JAK1: variants seen among roughly 807,000 people sequenced by gnomAD.
JAK1 encodes the protein tyrosine-protein kinase JAK1.
Under a neutral mutation model 136.6 loss-of-function variants are expected in JAK1, and 16 were observed. The ratio of observed to expected loss-of-function variants is 0.12; its 90% CI spans 0.08 to 0.18. JAK1 has a LOEUF of 0.18. JAK1 is among the 10% of genes least tolerant of loss of function. The probability of loss-of-function intolerance (pLI) is 1.00; values close to 1 mark genes in which losing one functional copy is unlikely to be tolerated. For missense variants in JAK1, 859 were observed against 1,450.1 expected, an observed-to-expected ratio of 0.59 and a Z score of 6.62; for synonymous variants, 492 against 519.5, an observed-to-expected ratio of 0.95 and a Z score of 0.72.
intron 1 of JAK1, among the ~76,000 whole-genome samples, chr1:64,909,217 G>A (rs147214914): frequency 1.6e-4 from 25 of 152,218 alleles, no homozygotes; most frequent in Admixed American, 2.6e-4. Flanking sequence ...CCTAGTTTTC[G>A]GGAAGCTTGT....
intron 1 of JAK1, among the ~76,000 whole-genome samples, chr1:65,056,394 A>AG (rs1267696331): frequency 1.3e-5 from 2 of 152,200 alleles, no homozygotes; most frequent in South Asian, 4.1e-4. Flanking sequence ...GGTAGAGCAG[A>AG]GGGAAGAGAC....
At chr1:65,024,677 AAAAG>A (rs1557763211) in intron 2 of JAK1, among the ~76,000 whole-genome samples, 1 of 150,332 alleles carries the variant, frequency 6.7e-6, no homozygotes, top group African/African-American at 2.4e-5. Context: ...AAAAAAAAAA[AAAAG>A]AAAGAAAAAA....
intron 4 of JAK1, among the ~76,000 whole-genome samples, chr1:64,878,601 A>ATC (rs1644718880): frequency 2.3e-5 from 3 of 132,866 alleles, no homozygotes; most frequent in Admixed American, 7.7e-5. Flanking sequence ...ATATATATAT[A>ATC]TATATCTCAA....
rs1654345952 is a variant in JAK1, at chr1:64,834,547, T to C, written c.*15A>G. ...GACTTGATAATCTGTGGAATTTAAATGTTATTCATGCTTCTTATTTTAAAA... is the reference window on the plus strand; with the variant it reads ...GACTTGATAATCTGTGGAATTTAAACGTTATTCATGCTTCTTATTTTAAAA... On this transcript the variant is annotated 3_prime_UTR_variant, in exon 25 of 25. Coordinates refer to ENST00000342505, the MANE Select transcript of JAK1 (RefSeq NM_002227.4). 2.0e-6 allele frequency: 3 copies of C among 1,510,584 alleles called. No homozygotes were observed. Among genetic ancestry groups the C allele is most frequent in the Non-Finnish European group, 2.8e-6 (3 of 1,088,574 alleles). 93.6% of individuals were successfully genotyped at this position (1,510,584 alleles called of 1,614,324 possible).
chr1:64,876,573 C>T (rs966903244), intron 4 of JAK1: 2 of 152,150 alleles, frequency 1.3e-5, no homozygotes, highest in Non-Finnish European at 2.9e-5. Context: ...TCCATGACTA[C>T]CAGAATCAGT....
chr1:65,043,854 T>A (rs1647159142), intron 2 of JAK1, among the ~76,000 whole-genome samples: 4 of 152,050 alleles, frequency 2.6e-5, no homozygotes, highest in Admixed American at 2.6e-4. Flanking sequence ...CCCAAGTAGC[T>A]GGGATTACAG....
At chr1:65,046,407 G>C (rs950208426) in intron 1 of JAK1, among the ~76,000 whole-genome samples, 2 of 152,168 alleles carry the variant, frequency 1.3e-5, no homozygotes, top group Non-Finnish European at 2.9e-5. Flanking sequence ...AGTGTCTGAG[G>C]GACTGGGACA....
intron 2 of JAK1, chr1:64,985,695 C>A: frequency 1.4e-6 from 1 of 712,138 alleles, no homozygotes; most frequent in Non-Finnish European, 2.6e-6. Flanking sequence ...AAAACCTGTG[C>A]AGAGTCTGCA....
intron 1 of JAK1, among the ~76,000 whole-genome samples, chr1:64,944,146 C>G (rs1051624205): frequency 7.6e-5 from 11 of 143,850 alleles, no homozygotes; most frequent in African/African-American, 2.9e-4. Flanking sequence ...GGCATGAACC[C>G]AGGAGGCGGA....
chr1:64,900,548 C>T (rs1350135289), intron 1 of JAK1, among the ~76,000 whole-genome samples: 1 of 152,144 alleles, frequency 6.6e-6, no homozygotes, highest in African/African-American at 2.4e-5. Flanking sequence ...CTAGGAACTG[C>T]GACCATATCC....
intron 1 of JAK1, among the ~76,000 whole-genome samples, chr1:64,956,514 C>A (rs1055175505): frequency 2.0e-5 from 3 of 152,252 alleles, no homozygotes; most frequent in Admixed American, 1.3e-4. Context: ...AGACCAGGAG[C>A]CCTTCTCCCA....
chr1:64,860,467 T>C (rs932767655), intron 8 of JAK1, among the ~76,000 whole-genome samples: 2 of 151,044 alleles, frequency 1.3e-5, no homozygotes, highest in Non-Finnish European at 3.0e-5. Context: ...TTTATTTATT[T>C]ATTTGAGATG....
chr1:64,895,750 A>G (rs1645004655), intron 1 of JAK1, among the ~76,000 whole-genome samples: 1 of 152,234 alleles, frequency 6.6e-6, no homozygotes, highest in Admixed American at 6.5e-5. Context: ...TAGAATATGT[A>G]GAAACTATAC....
intron 1 of JAK1, among the ~76,000 whole-genome samples, chr1:64,956,580 T>A (rs1426528178): frequency 6.6e-6 from 1 of 152,214 alleles, no homozygotes; most frequent in African/African-American, 2.4e-5. Context: ...CTATTGCACT[T>A]ATCACCACCT....
At chr1:65,039,584 C>T (rs541030829) in intron 2 of JAK1, among the ~76,000 whole-genome samples, 1 of 152,238 alleles carries the variant, frequency 6.6e-6, no homozygotes, top group East Asian at 1.9e-4. Flanking sequence ...CTCTTTTACA[C>T]TATATTCTAC....
chr1:64,928,789 A>ACAAAAAAAAC (rs1645632539), intron 1 of JAK1, among the ~76,000 whole-genome samples: 2 of 123,144 alleles, frequency 1.6e-5, no homozygotes, highest in Non-Finnish European at 3.1e-5. Flanking sequence ...AAAAAAAAAA[A>ACAAAAAAAAC]AAAAAAACAA....
chr1:64,861,747 C>T (rs1217406474), intron 8 of JAK1, among the ~76,000 whole-genome samples: 1 of 152,066 alleles, frequency 6.6e-6, no homozygotes, highest in African/African-American at 2.4e-5. Context: ...AGGAAGCATG[C>T]CTGGGGCTAT....
intron 1 of JAK1, among the ~76,000 whole-genome samples, chr1:64,888,862 A>G (rs1330788889): frequency 6.6e-6 from 1 of 152,274 alleles, no homozygotes; most frequent in Non-Finnish European, 1.5e-5. Flanking sequence ...TGCCGATTCA[A>G]TAACAACAAA....
At chr1:64,951,260 CA>C (rs2100575917) in intron 1 of JAK1, among the ~76,000 whole-genome samples, 1 of 152,294 alleles carries the variant, frequency 6.6e-6, no homozygotes, top group South Asian at 2.1e-4. Context: ...TTCAGAGTCT[CA>C]ATTCGACCTA....
Sources: allele counts gnomAD v4.1 joint callset (sites outside exome capture counted in the v4.1 genomes callset), GRCh38; gene constraint gnomAD v4.1.1; transcripts MANE v1.5; gene names NCBI Gene and HGNC (gene_info 2026-07-23, HGNC 2026-07-21).